The following CFAP70 variants were observed in gnomAD, a reference collection of about 807,000 sequenced individuals.
CFAP70 encodes the protein cilia- and flagella-associated protein 70.
Under a neutral mutation model 137.6 loss-of-function variants are expected in CFAP70, and 81 were observed. That is an observed-to-expected ratio of 0.59 (90% CI 0.49 to 0.71). The LOEUF (loss-of-function observed/expected upper bound fraction) is 0.71. CFAP70 is among the 30% of genes least tolerant of loss of function. CFAP70 has a pLI of 0.00. For synonymous variants in CFAP70, 382 were observed against 423.6 expected (o/e 0.90, Z 1.20); for missense variants, 976 against 1,226.7 (o/e 0.80, Z 3.05).
chr10:73,327,776 T>G (rs1003132090), intron 8 of CFAP70, among the ~76,000 whole-genome samples: 2 of 152,176 alleles, frequency 1.3e-5, no homozygotes, highest in African/African-American at 4.8e-5. Context: ...GAATCCAACT[T>G]ACAAGGGATG....
At chr10:73,277,400 A>T in intron 20 of CFAP70, 39 bp from the exon 22 acceptor site, 1 of 1,603,390 alleles carries the variant, frequency 6.2e-7, no homozygotes, top group Non-Finnish European at 8.5e-7. Flanking sequence ...GATTGGATAT[A>T]ACAGAAAAAG....
At chr10:73,261,971 T>G (rs981960228) in intron 25 of CFAP70, among the ~76,000 whole-genome samples, 11 of 147,258 alleles carry the variant, frequency 7.5e-5, no homozygotes, top group Non-Finnish European at 1.6e-4. Context: ...GTATACATAT[T>G]ATATATATGT....
chr10:73,354,196 G>T (rs1460912681), intron 2 of CFAP70, among the ~76,000 whole-genome samples: 2 of 152,174 alleles, frequency 1.3e-5, no homozygotes, highest in Non-Finnish European at 2.9e-5. Flanking sequence ...ATATTTTCTA[G>T]TGTTCTGCTG....
At chr10:73,258,599 T>C (rs2044766264) in intron 25 of CFAP70, among the ~76,000 whole-genome samples, 1 of 152,244 alleles carries the variant, frequency 6.6e-6, no homozygotes, top group South Asian at 2.1e-4. Flanking sequence ...GAAATAACTA[T>C]TGGGCCTGAC....
intron 6 of CFAP70, 120 bp downstream of exon 7, chr10:73,341,279 T>C: frequency 1.2e-6 from 1 of 860,536 alleles, no homozygotes; most frequent in Middle Eastern, 3.5e-4. Flanking sequence ...TGTGTTTTAT[T>C]TTGGCATGTA....
At chr10:73,284,762 AT>A (rs2047536322) in intron 19 of CFAP70, among the ~76,000 whole-genome samples, 2 of 27,822 alleles carry the variant, frequency 7.2e-5, no homozygotes, top group African/African-American at 3.7e-4. Flanking sequence ...ATATATATAT[AT>A]ATATATATAT....
chr10:73,281,193 T>C (rs1342301813), intron 19 of CFAP70, among the ~76,000 whole-genome samples: 1 of 152,002 alleles, frequency 6.6e-6, no homozygotes, highest in African/African-American at 2.4e-5. Flanking sequence ...GATCTGTATG[T>C]ATTTATTTAT....
At chr10:73,336,139 CAAA>C (rs61221361) in intron 6 of CFAP70, among the ~76,000 whole-genome samples, 3 of 120,172 alleles carry the variant, frequency 2.5e-5, no homozygotes, top group Admixed American at 8.7e-5. Flanking sequence ...GACCCTGTCT[CAAA>C]AAAAAAAAAA....
chr10:73,292,741 T>C (rs151182721), intron 16 of CFAP70, among the ~76,000 whole-genome samples: 82 of 152,318 alleles, frequency 5.4e-4, no homozygotes, highest in African/African-American at 1.9e-3. Context: ...GTCATACATA[T>C]GTTTTATAAA....
intron 7 of CFAP70, among the ~76,000 whole-genome samples, chr10:73,333,973 C>T (rs1197751670): frequency 6.6e-6 from 1 of 152,140 alleles, no homozygotes; most frequent in East Asian, 1.9e-4. Flanking sequence ...AAGAATTATA[C>T]ACCATGACCA....
chr10:73,321,705 G>A (rs1219801441), intron 9 of CFAP70, among the ~76,000 whole-genome samples: 1 of 151,834 alleles, frequency 6.6e-6, no homozygotes, highest in African/African-American at 2.4e-5. Context: ...AAAAATTATA[G>A]TTCATATTCT....
chr10:73,316,397 TG>T (rs1296680809), intron 9 of CFAP70, among the ~76,000 whole-genome samples: 2 of 149,090 alleles, frequency 1.3e-5, no homozygotes, highest in East Asian at 1.9e-4. Flanking sequence ...TTTGTTGTTC[TG>T]TTCTTCCTTT....
Position 73,342,154 on chromosome 10 carries a change from A to G in CFAP70, c.400-573T>C, listed in dbSNP as rs898175974. On this transcript the variant is annotated intron_variant, in intron 5 of 26. Coordinates refer to ENST00000310715, the Ensembl canonical transcript of CFAP70. The stretch of plus-strand genomic sequence containing the variant: ...TAGAAAATTGGTAAAATATATAAGT[A>G]GGCAATTTATAGAAGGGGAAATTAG... Among the ~76,000 whole-genome samples, 5 of 152,364 alleles carry G rather than the reference A, an allele frequency of 3.3e-5. No homozygotes were observed. In the East Asian group the frequency reaches 9.6e-4, roughly 29 times the overall value.
At chr10:73,319,307 G>C (rs1272134777) in intron 9 of CFAP70, among the ~76,000 whole-genome samples, 1 of 152,072 alleles carries the variant, frequency 6.6e-6, no homozygotes, top group Non-Finnish European at 1.5e-5. Context: ...TCAACTATAT[G>C]GTCCTTTGTT....
intron 11 of CFAP70, among the ~76,000 whole-genome samples, chr10:73,311,216 C>A (rs1342717444): frequency 6.6e-6 from 1 of 152,218 alleles, no homozygotes; most frequent in South Asian, 2.1e-4. Flanking sequence ...ATATACCATA[C>A]ACTGCAATTA....
At chr10:73,264,196 G>A (rs2045544427) in intron 25 of CFAP70, among the ~76,000 whole-genome samples, 1 of 152,032 alleles carries the variant, frequency 6.6e-6, no homozygotes, top group African/African-American at 2.4e-5. Context: ...CACTAGTTCT[G>A]GAATTTTGGC....
At chr10:73,273,155 T>G in intron 23 of CFAP70, 138 bp from the exon 25 acceptor site, 1 of 701,382 alleles carries the variant, frequency 1.4e-6, no homozygotes. Context: ...CTTTGACGTC[T>G]ACCTTAAGGG....
At chr10:73,345,267 A>T in intron 4 of CFAP70, 23 bp from the exon 6 acceptor site, 2 of 1,599,842 alleles carry the variant, frequency 1.3e-6, no homozygotes, top group Non-Finnish European at 1.7e-6. Flanking sequence ...AAAATTATGC[A>T]GCATTTTGAA....
intron 3 of CFAP70, among the ~76,000 whole-genome samples, chr10:73,352,691 G>A (rs553641278): frequency 5.9e-5 from 9 of 152,284 alleles, no homozygotes; most frequent in Admixed American, 2.0e-4. Context: ...GGGAGGAATA[G>A]AGAAAAGTAC....
Sources: allele counts gnomAD v4.1 joint callset (sites outside exome capture counted in the v4.1 genomes callset), GRCh38; gene constraint gnomAD v4.1.1; transcripts MANE v1.5; gene names NCBI Gene and HGNC (gene_info 2026-07-23, HGNC 2026-07-21).